The following GRM5 variants were observed in gnomAD, a reference collection of about 807,000 sequenced individuals.
GRM5 encodes glutamate metabotropic receptor 5, also known as metabotropic glutamate receptor 5.
In GRM5, 19 loss-of-function variants were observed where a neutral mutation model predicts 83.1. That is an observed-to-expected ratio of 0.23 (90% confidence interval 0.16 to 0.34). The LOEUF (loss-of-function observed/expected upper bound fraction) is 0.34. Among genes scored for constraint, GRM5 ranks in the 10% least tolerant of loss-of-function variants. The pLI is 1.00. For synonymous variants in GRM5, 675 were observed against 633.6 expected (o/e 1.07, Z -0.98); for missense variants, 1,160 against 1,588.3 (o/e 0.73, Z 4.58).
intron 2 of GRM5, among the ~76,000 whole-genome samples, chr11:88,860,845 G>A (rs1041980028): frequency 2.0e-5 from 3 of 152,156 alleles, no homozygotes; most frequent in Non-Finnish European, 4.4e-5. Flanking sequence ...TAACTATGCT[G>A]TGTTCAGGCA....
chr11:88,589,719 C>T (rs1414258696), intron 7 of GRM5, among the ~76,000 whole-genome samples: 2 of 152,168 alleles, frequency 1.3e-5, no homozygotes, highest in Non-Finnish European at 2.9e-5. Flanking sequence ...TTCTTGCATA[C>T]TCAGTTCATG....
At chr11:88,855,426 C>G (rs1403408953) in intron 2 of GRM5, among the ~76,000 whole-genome samples, 1 of 151,820 alleles carries the variant, frequency 6.6e-6, no homozygotes, top group Non-Finnish European at 1.5e-5. Context: ...ATTCAATTCC[C>G]TAGATTCCTT....
chr11:88,973,585 G>T (rs1408213981), intron 2 of GRM5, among the ~76,000 whole-genome samples: 2 of 152,124 alleles, frequency 1.3e-5, no homozygotes, highest in African/African-American at 4.8e-5. Context: ...GCAAGGAACA[G>T]ATCTCTCTCT....
At chr11:88,789,743 T>C (rs1284328855) in intron 3 of GRM5, among the ~76,000 whole-genome samples, 1 of 152,210 alleles carries the variant, frequency 6.6e-6, no homozygotes, top group East Asian at 1.9e-4. Context: ...CCAAATGACC[T>C]TTCCTTCCAC....
chr11:88,805,374 T>A (rs934017852), intron 3 of GRM5, among the ~76,000 whole-genome samples: 23 of 152,046 alleles, frequency 1.5e-4, no homozygotes, highest in African/African-American at 5.6e-4. Context: ...GTATTTTTAG[T>A]AGAGATGGAG....
chr11:88,633,591 T>C (rs1428603628), intron 4 of GRM5, among the ~76,000 whole-genome samples: 2 of 152,170 alleles, frequency 1.3e-5, no homozygotes, highest in African/African-American at 4.8e-5. Context: ...GCTGAACTCT[T>C]GGGCTCAAGC....
chr11:88,823,683 A>G (rs1358301668), intron 3 of GRM5, among the ~76,000 whole-genome samples: 3 of 152,290 alleles, frequency 2.0e-5, no homozygotes, highest in East Asian at 1.9e-4. Context: ...ACTTTCCTGC[A>G]TAGAGAGAAA....
chr11:88,815,357 T>G (rs571323407), intron 3 of GRM5, among the ~76,000 whole-genome samples: 1 of 152,142 alleles, frequency 6.6e-6, no homozygotes, highest in African/African-American at 2.4e-5. Context: ...AAAATGAAAA[T>G]CAGAAGATAT....
At chr11:88,966,501 G>A (rs1236419640) in intron 2 of GRM5, among the ~76,000 whole-genome samples, 4 of 152,080 alleles carry the variant, frequency 2.6e-5, no homozygotes, top group African/African-American at 9.7e-5. Flanking sequence ...AATTGAATAA[G>A]GGACATCATT....
chr11:88,871,354 C>A (rs746478104), intron 2 of GRM5, among the ~76,000 whole-genome samples: 7 of 151,574 alleles, frequency 4.6e-5, no homozygotes, highest in African/African-American at 7.3e-5. Flanking sequence ...CAACCTACTG[C>A]AGGAAAGAAA....
chr11:88,558,855 A>G (rs1942690582), intron 8 of GRM5, among the ~76,000 whole-genome samples: 1 of 151,362 alleles, frequency 6.6e-6, no homozygotes, highest in Admixed American at 6.6e-5. Flanking sequence ...ACAAAACAGC[A>G]TAATTCTCAA....
intron 2 of GRM5, among the ~76,000 whole-genome samples, chr11:89,023,310 A>C (rs960743985): frequency 1.3e-5 from 2 of 152,036 alleles, no homozygotes; most frequent in African/African-American, 4.8e-5. Flanking sequence ...ATGACCCCCA[A>C]ACACTCTTCT....
At chr11:88,951,124 A>C (rs2135679229) in intron 2 of GRM5, among the ~76,000 whole-genome samples, 1 of 152,232 alleles carries the variant, frequency 6.6e-6, no homozygotes, top group South Asian at 2.1e-4. Context: ...TATATGCATT[A>C]GTTTTTAAAG....
chr11:89,064,747 C>T (rs939216761), intron 1 of GRM5, among the ~76,000 whole-genome samples: 6 of 151,486 alleles, frequency 4.0e-5, no homozygotes, highest in African/African-American at 1.5e-4. Context: ...ACTGAATGAA[C>T]GCAGTGATGC....
intron 3 of GRM5, among the ~76,000 whole-genome samples, chr11:88,740,035 A>T (rs1004480802): frequency 6.6e-6 from 1 of 152,078 alleles, no homozygotes; most frequent in African/African-American, 2.4e-5. Flanking sequence ...TTGTCTCATT[A>T]TGTTAGTGTT....
intron 2 of GRM5, among the ~76,000 whole-genome samples, chr11:88,956,634 G>A (rs1250594132): frequency 6.6e-6 from 1 of 150,904 alleles, no homozygotes; most frequent in African/African-American, 2.4e-5. Flanking sequence ...GTGAAACCCC[G>A]TCTCTACTAA....
At chr11:88,995,302 TTCGG>T (rs1940145320) in intron 2 of GRM5, among the ~76,000 whole-genome samples, 1 of 151,818 alleles carries the variant, frequency 6.6e-6, no homozygotes, top group African/African-American at 2.4e-5. Context: ...ATCCCAGCAC[TTCGG>T]GAGGCCAAGG....
intron 3 of GRM5, among the ~76,000 whole-genome samples, chr11:88,718,920 T>C (rs1941463986): frequency 6.6e-6 from 1 of 151,948 alleles, no homozygotes; most frequent in Non-Finnish European, 1.5e-5. Flanking sequence ...TGATTAAATG[T>C]TTGTTTTGTC....
At chr11:88,783,975 A>C (rs1222869466) in intron 3 of GRM5, among the ~76,000 whole-genome samples, 2 of 152,070 alleles carry the variant, frequency 1.3e-5, no homozygotes, top group African/African-American at 4.8e-5. Flanking sequence ...TTATCAGTGG[A>C]GTACTGATGA....
Sources: allele counts gnomAD v4.1 joint callset (sites outside exome capture counted in the v4.1 genomes callset), GRCh38; gene constraint gnomAD v4.1.1; transcripts MANE v1.5; gene names NCBI Gene and HGNC (gene_info 2026-07-23, HGNC 2026-07-21).